The following LINGO2 variants were observed in gnomAD, a reference collection of about 807,000 sequenced individuals.
The protein encoded by LINGO2 is leucine-rich repeat and immunoglobulin-like domain-containing nogo receptor-interacting protein 2.
Under a neutral mutation model 30.6 loss-of-function variants are expected in LINGO2, and 14 were observed. The observed-to-expected ratio is 0.46, with a 90% CI of 0.30 to 0.72. LINGO2 has a LOEUF of 0.72. LINGO2 is among the 30% of genes least tolerant of loss of function. The pLI is 0.07. For synonymous variants in LINGO2, 317 were observed against 288.5 expected (o/e 1.10, Z -1.00); for missense variants, 729 against 751.7 (o/e 0.97, Z 0.35).
At chr9:28,412,983 T>C (rs187579333) in intron 2 of LINGO2, among the ~76,000 whole-genome samples, 20 of 152,248 alleles carry the variant, frequency 1.3e-4, no homozygotes, top group Admixed American at 1.3e-3. Context: ...TCATGATGAT[T>C]CAATTCTACT....
chr9:29,062,732 A>C, the LINGO2 span, among the ~76,000 whole-genome samples: 2 of 152,122 alleles, frequency 1.3e-5, no homozygotes, highest in African/African-American at 4.8e-5. Context: ...AATTTGGGAA[A>C]ATGAAAAATT....
the LINGO2 span, among the ~76,000 whole-genome samples, chr9:29,168,485 C>T: frequency 2.0e-5 from 3 of 152,072 alleles, no homozygotes. Flanking sequence ...TTGTGAGATA[C>T]CATTCTGGCC....
the LINGO2 span, among the ~76,000 whole-genome samples, chr9:28,829,477 C>T: frequency 3.3e-5 from 5 of 152,198 alleles, no homozygotes; most frequent in Non-Finnish European, 5.9e-5. Flanking sequence ...AAAAGCACTA[C>T]CTATAACATT....
chr9:28,548,949 A>C (rs1345657568), intron 1 of LINGO2, among the ~76,000 whole-genome samples: 2 of 152,006 alleles, frequency 1.3e-5, no homozygotes, highest in Non-Finnish European at 2.9e-5. Flanking sequence ...AAAAGTTCAG[A>C]ATATAATAAA....
intron 5 of LINGO2, among the ~76,000 whole-genome samples, chr9:27,969,394 A>T (rs909789835): frequency 3.9e-5 from 6 of 152,164 alleles, no homozygotes; most frequent in African/African-American, 1.4e-4. Flanking sequence ...GGCCAGAAAA[A>T]AAGAAATATT....
the LINGO2 span, among the ~76,000 whole-genome samples, chr9:29,093,868 C>T: frequency 2.9e-5 from 4 of 137,736 alleles, no homozygotes; most frequent in African/African-American, 8.1e-5. Flanking sequence ...GAATCTTCCC[C>T]GCCCCAGAGA....
intron 2 of LINGO2, among the ~76,000 whole-genome samples, chr9:28,457,025 GAAACTGCCAAAGTGCTAT>G (rs1430875768): frequency 6.6e-6 from 1 of 152,120 alleles, no homozygotes; most frequent in African/African-American, 2.4e-5. Flanking sequence ...GTACATTCCT[GAAACTGCCAAAGTGCTAT>G]AAACTAGCCA....
intron 3 of LINGO2, among the ~76,000 whole-genome samples, chr9:28,331,218 C>A (rs1825406516): frequency 6.6e-6 from 1 of 151,964 alleles, no homozygotes; most frequent in Non-Finnish European, 1.5e-5. Context: ...TTAAAAATAA[C>A]TTTTAGTTCA....
chr9:28,550,077 T>A (rs1822194631), intron 1 of LINGO2, among the ~76,000 whole-genome samples: 1 of 151,912 alleles, frequency 6.6e-6, no homozygotes, highest in African/African-American at 2.4e-5. Context: ...TATTTTAAAT[T>A]CAATGTGTCT....
chr9:29,164,517 A>T, the LINGO2 span, among the ~76,000 whole-genome samples: 1 of 150,818 alleles, frequency 6.6e-6, no homozygotes, highest in South Asian at 2.1e-4. Context: ...TAATGAAGGG[A>T]TACTACTTGA....
chr9:29,189,131 G>T, the LINGO2 span, among the ~76,000 whole-genome samples: 1 of 138,646 alleles, frequency 7.2e-6, no homozygotes, highest in Non-Finnish European at 1.6e-5. Flanking sequence ...CGGGGCGGCT[G>T]GCCGGGCGGG....
intron 4 of LINGO2, among the ~76,000 whole-genome samples, chr9:28,170,375 T>C (rs1828549582): frequency 6.6e-6 from 1 of 152,226 alleles, no homozygotes; most frequent in East Asian, 1.9e-4. Context: ...AAGAGGATTA[T>C]AGTGGCTATC....
chr9:28,344,301 T>G (rs962853651), intron 3 of LINGO2, among the ~76,000 whole-genome samples: 2 of 152,110 alleles, frequency 1.3e-5, no homozygotes, highest in Non-Finnish European at 2.9e-5. Context: ...GGGGATCATA[T>G]GAGCACTAAG....
intron 2 of LINGO2, among the ~76,000 whole-genome samples, chr9:28,466,107 G>A (rs1825289702): frequency 6.6e-6 from 1 of 151,836 alleles, no homozygotes; most frequent in African/African-American, 2.4e-5. Flanking sequence ...CTATTCCACT[G>A]CTAGGTAGAT....
At chr9:29,144,601 C>A in the LINGO2 span, among the ~76,000 whole-genome samples, 1 of 152,224 alleles carries the variant, frequency 6.6e-6, no homozygotes, top group African/African-American at 2.4e-5. Flanking sequence ...ATTTCAGAGG[C>A]AGGGTGGTCC....
the LINGO2 span, among the ~76,000 whole-genome samples, chr9:28,740,821 T>C: frequency 6.6e-6 from 1 of 152,090 alleles, no homozygotes; most frequent in Non-Finnish European, 1.5e-5. Context: ...TTTAGTGATG[T>C]TCAAAATATT....
At chr9:28,762,575 G>A in the LINGO2 span, among the ~76,000 whole-genome samples, 2 of 152,108 alleles carry the variant, frequency 1.3e-5, no homozygotes, top group African/African-American at 2.4e-5. Flanking sequence ...ATAGGAGCAC[G>A]GCAACTTGAT....
chr9:28,887,592 A>G, the LINGO2 span, among the ~76,000 whole-genome samples: 1 of 152,156 alleles, frequency 6.6e-6, no homozygotes, highest in Non-Finnish European at 1.5e-5. Flanking sequence ...AGACATCACA[A>G]CAAGCTACTG....
chr9:29,054,356 A>T, the LINGO2 span, among the ~76,000 whole-genome samples: 2 of 152,286 alleles, frequency 1.3e-5, no homozygotes, highest in South Asian at 4.1e-4. Context: ...GTCCTGTCTT[A>T]AGTGAATAAT....
Sources: allele counts gnomAD v4.1 joint callset (sites outside exome capture counted in the v4.1 genomes callset), GRCh38; gene constraint gnomAD v4.1.1; transcripts MANE v1.5; gene names NCBI Gene and HGNC (gene_info 2026-07-23, HGNC 2026-07-21).